CCSER1: variants seen among roughly 807,000 people sequenced by gnomAD.
CCSER1 encodes the protein serine-rich coiled-coil domain-containing protein 1.
Under a neutral mutation model 82.0 loss-of-function variants are expected in CCSER1, and 41 were observed. That is an observed-to-expected ratio of 0.50 (90% confidence interval 0.39 to 0.65). CCSER1 has a LOEUF of 0.65. Among genes scored for constraint, CCSER1 ranks in the 30% least tolerant of loss-of-function variants. The pLI is 0.00. For missense variants in CCSER1, 1,119 were observed against 1,064.2 expected, an observed-to-expected ratio of 1.05 and a Z score of -0.72; for synonymous variants, 414 against 383.9, an observed-to-expected ratio of 1.08 and a Z score of -0.92.
At chr4:90,318,287 T>G (rs1410962044) in intron 3 of CCSER1, among the ~76,000 whole-genome samples, 1 of 152,248 alleles carries the variant, frequency 6.6e-6, no homozygotes, top group Non-Finnish European at 1.5e-5. Flanking sequence ...CAAGGAATCT[T>G]TACTATTTTT....
chr4:90,878,483 G>A (rs1720705996), intron 8 of CCSER1, among the ~76,000 whole-genome samples: 1 of 152,126 alleles, frequency 6.6e-6, no homozygotes, highest in Admixed American at 6.6e-5. Context: ...CACTTCCCCT[G>A]TTCTACTCTT....
At chr4:91,218,720 A>G (rs1348197946) in intron 10 of CCSER1, among the ~76,000 whole-genome samples, 1 of 152,132 alleles carries the variant, frequency 6.6e-6, no homozygotes, top group Non-Finnish European at 1.5e-5. Flanking sequence ...AGGACACTAT[A>G]CTTTGCATCG....
intron 7 of CCSER1, among the ~76,000 whole-genome samples, chr4:90,798,961 G>A (rs1280166492): frequency 6.6e-6 from 1 of 152,224 alleles, no homozygotes; most frequent in Non-Finnish European, 1.5e-5. Context: ...TGCAGTAACA[G>A]TAGGATCAGT....
At chr4:90,326,360 G>A (rs1039478532) in intron 3 of CCSER1, among the ~76,000 whole-genome samples, 21 of 151,966 alleles carry the variant, frequency 1.4e-4, no homozygotes, top group African/African-American at 4.8e-4. Context: ...GTGCCCAGCC[G>A]ATAACTTTTT....
intron 10 of CCSER1, among the ~76,000 whole-genome samples, chr4:91,251,483 G>T (rs946948779): frequency 6.6e-6 from 1 of 152,166 alleles, no homozygotes; most frequent in South Asian, 2.1e-4. Context: ...AGCAGATAAT[G>T]AGGGCAGAAT....
At chr4:90,362,023 G>C (rs62312907) in intron 3 of CCSER1, among the ~76,000 whole-genome samples, 29,639 of 152,074 alleles carry the variant, frequency 0.19, 3,451 homozygotes, top group South Asian at 0.34. Context: ...TACTTTCTAC[G>C]TTAAAAGATT....
chr4:91,406,244 A>G (rs1410908627), intron 10 of CCSER1, among the ~76,000 whole-genome samples: 2 of 152,294 alleles, frequency 1.3e-5, no homozygotes, highest in Admixed American at 1.3e-4. Context: ...ACTTCTAAGC[A>G]ATTCATGCTT....
At chr4:90,428,662 G>A (rs1019642240) in intron 4 of CCSER1, among the ~76,000 whole-genome samples, 3 of 151,800 alleles carry the variant, frequency 2.0e-5, no homozygotes, top group Admixed American at 2.0e-4. Context: ...AGGAGGAGAA[G>A]GAAGAGAAGG....
At chr4:90,870,815 C>CTTTTT (rs35869800) in intron 8 of CCSER1, among the ~76,000 whole-genome samples, 1 of 109,552 alleles carries the variant, frequency 9.1e-6, no homozygotes, top group Non-Finnish European at 1.9e-5. Flanking sequence ...AGGTCCTTGG[C>CTTTTT]TTTTTTTTTT....
At chr4:90,369,880 CAATT>C (rs1299932746) in intron 3 of CCSER1, among the ~76,000 whole-genome samples, 1 of 151,912 alleles carries the variant, frequency 6.6e-6, no homozygotes, top group Non-Finnish European at 1.5e-5. Context: ...TATTACTTGA[CAATT>C]AACTGGTATA....
intron 3 of CCSER1, among the ~76,000 whole-genome samples, chr4:90,354,056 A>G (rs1222727225): frequency 1.3e-5 from 2 of 152,218 alleles, no homozygotes; most frequent in Non-Finnish European, 2.9e-5. Context: ...ATGTGCACCA[A>G]TGGATAAACA....
intron 5 of CCSER1, among the ~76,000 whole-genome samples, chr4:90,604,423 G>A (rs1579412961): frequency 6.6e-6 from 1 of 152,048 alleles, no homozygotes; most frequent in South Asian, 2.1e-4. Context: ...TGTTACTTTT[G>A]AGCAATTCAA....
intron 7 of CCSER1, among the ~76,000 whole-genome samples, chr4:90,814,877 A>G (rs1200682478): frequency 6.6e-6 from 1 of 152,094 alleles, no homozygotes; most frequent in Non-Finnish European, 1.5e-5. Context: ...ACTTTCTCAC[A>G]TCTTCCTGTC....
rs1348796120 is a variant in CCSER1, at chr4:90,402,570, GA to G, written c.1603+2443del. ...GAGTTGCATGGGGTGAAAAGTTCAT[GA>G]ATTAATTATAATATTCTCTCTATTT... On this transcript the variant is annotated intron_variant, in intron 4 of 10. Coordinates refer to ENST00000509176, the MANE Select transcript of CCSER1 (RefSeq NM_001145065.2). 2.0e-5 allele frequency among the ~76,000 whole-genome samples: 3 copies of G among 152,246 alleles called. No individual in the cohort carries two copies. The South Asian group carries it at 6.2e-4, about 32-fold the overall frequency.
At chr4:90,165,564 CAT>C (rs1730292227) in intron 1 of CCSER1, among the ~76,000 whole-genome samples, 1 of 151,944 alleles carries the variant, frequency 6.6e-6, no homozygotes, top group South Asian at 2.1e-4. Flanking sequence ...TGTTAGTTTT[CAT>C]AGATACAACA....
intron 10 of CCSER1, among the ~76,000 whole-genome samples, chr4:91,281,857 A>C (rs1742938968): frequency 6.6e-6 from 1 of 152,128 alleles, no homozygotes; most frequent in African/African-American, 2.4e-5. Flanking sequence ...CTCTTTCCCT[A>C]GTTAAATCTC....
intron 5 of CCSER1, among the ~76,000 whole-genome samples, chr4:90,544,314 C>G (rs1776480210): frequency 6.6e-6 from 1 of 152,070 alleles, no homozygotes; most frequent in Non-Finnish European, 1.5e-5. Context: ...AATTCACTGC[C>G]TGGATGAATA....
intron 10 of CCSER1, among the ~76,000 whole-genome samples, chr4:91,419,186 C>T (rs1384985471): frequency 6.6e-6 from 1 of 151,798 alleles, no homozygotes; most frequent in Non-Finnish European, 1.5e-5. Context: ...AAAAAAAGTC[C>T]ATTTTTGCCA....
intron 10 of CCSER1, among the ~76,000 whole-genome samples, chr4:91,288,158 AT>A (rs1203483656): frequency 8.4e-6 from 1 of 118,348 alleles, no homozygotes. Flanking sequence ...GTATATATAT[AT>A]ATACATACAC....
Sources: gnomAD v4.1 joint callset for allele counts (sites outside exome capture counted in the v4.1 genomes callset) on GRCh38, gnomAD v4.1.1 for gene constraint, MANE v1.5 for transcripts, NCBI Gene and HGNC (gene_info 2026-07-23, HGNC 2026-07-21) for gene names.